The following CTNNA2 variants were observed in gnomAD, a reference collection of about 807,000 sequenced individuals.
CTNNA2 encodes the protein catenin alpha-2.
A neutral mutation model predicts 101.0 loss-of-function variants in CTNNA2; 42 were observed. That is an observed-to-expected ratio of 0.42 (90% CI 0.32 to 0.54). The LOEUF is 0.54. Ranked by LOEUF, CTNNA2 falls within the 20% of genes least tolerant of loss-of-function variation. The pLI, the probability that CTNNA2 is intolerant of heterozygous loss-of-function variation, is 0.14. For synonymous variants in CTNNA2, 450 were observed against 456.4 expected (o/e 0.99, Z 0.18); for missense variants, 871 against 1,223.1 (o/e 0.71, Z 4.29).
intron 14 of CTNNA2, among the ~76,000 whole-genome samples, chr2:80,583,498 T>G (rs575882147): frequency 4.6e-5 from 7 of 152,288 alleles, no homozygotes; most frequent in African/African-American, 1.7e-4. Context: ...AAACCAGCAT[T>G]GTTATGTCAC....
chr2:79,755,507 C>G (rs549691887), intron 3 of CTNNA2, among the ~76,000 whole-genome samples: 304 of 152,290 alleles, frequency 2.0e-3, no homozygotes, highest in Middle Eastern at 3.4e-3. Context: ...TTCTCCTCCC[C>G]TTCCTTATAG....
chr2:80,300,296 G>GTT (rs1676160261), intron 7 of CTNNA2, among the ~76,000 whole-genome samples: 1 of 124,806 alleles, frequency 8.0e-6, no homozygotes, highest in Admixed American at 8.6e-5. Flanking sequence ...GTGTGTGTGT[G>GTT]TGTGTGTGTG....
chr2:80,583,848 A>G (rs1338965250), intron 14 of CTNNA2, among the ~76,000 whole-genome samples: 2 of 152,142 alleles, frequency 1.3e-5, no homozygotes, highest in Non-Finnish European at 2.9e-5. Flanking sequence ...TCTTCACACT[A>G]GTGTCTTTTC....
chr2:80,222,446 A>C (rs1464693858), intron 7 of CTNNA2, among the ~76,000 whole-genome samples: 1 of 152,190 alleles, frequency 6.6e-6, no homozygotes, highest in Non-Finnish European at 1.5e-5. Flanking sequence ...CATGACTCAG[A>C]TCTTCTAGAG....
intron 18 of CTNNA2, among the ~76,000 whole-genome samples, chr2:80,635,844 A>C (rs1672819549): frequency 6.6e-6 from 1 of 152,184 alleles, no homozygotes; most frequent in African/African-American, 2.4e-5. Flanking sequence ...TTGATTGGGC[A>C]TATCTGTTAA....
chr2:80,629,448 A>G (rs1358592997), intron 18 of CTNNA2, among the ~76,000 whole-genome samples: 1 of 152,198 alleles, frequency 6.6e-6, no homozygotes, highest in African/African-American at 2.4e-5. Context: ...ACAGTTCTGA[A>G]ACTCAGCTCT....
rs1433992356 is a variant in CTNNA2, at chr2:80,581,835, AG to A, written c.2007+17del. 5.3e-6 allele frequency: 8 copies of A among 1,501,998 alleles called. No individual in the cohort carries two copies. Among genetic ancestry groups the A allele is most frequent in the Admixed American group, 5.0e-5 (3 of 59,682 alleles). 93.0% of individuals were successfully genotyped at this position (1,501,998 alleles called of 1,614,324 possible). ...GAGCGCACGGGTGAGTGGACACCTA[AG>A]ACTTTGGCTTGGCACACAGGGACCG... is the stretch of plus-strand genomic sequence containing the variant. On this transcript the variant is annotated intron_variant, in intron 14 of 18. Coordinates refer to ENST00000402739, the MANE Select transcript of CTNNA2 (RefSeq NM_001282597.3).
intron 7 of CTNNA2, among the ~76,000 whole-genome samples, chr2:80,254,461 A>G (rs1671990456): frequency 6.6e-6 from 1 of 152,146 alleles, no homozygotes; most frequent in Non-Finnish European, 1.5e-5. Context: ...TAGCCAAGGT[A>G]TGGGGGGAGC....
chr2:79,721,082 G>C (rs1164590756), intron 2 of CTNNA2, among the ~76,000 whole-genome samples: 3 of 150,530 alleles, frequency 2.0e-5, no homozygotes, highest in East Asian at 3.9e-4. Context: ...ATCACATCAT[G>C]CTTCTTGTTC....
At chr2:79,930,343 AGAAAGAAAGAAAGAAT>A (rs879853669) in intron 7 of CTNNA2, among the ~76,000 whole-genome samples, 11,544 of 111,486 alleles carry the variant, frequency 0.1, 745 homozygotes, top group East Asian at 0.23. Flanking sequence ...AAAGAAAGAA[AGAAAGAAAGAAAGAAT>A]GAACACGGGT....
intron 1 of CTNNA2, among the ~76,000 whole-genome samples, chr2:79,566,295 T>C (rs1675108771): frequency 6.6e-6 from 1 of 152,146 alleles, no homozygotes. Flanking sequence ...TTTTCCAACT[T>C]TGAAAGTTTG....
intron 8 of CTNNA2, 26 bp from the exon 9 acceptor site, chr2:80,419,423 A>T (rs1680316712): frequency 2.5e-6 from 4 of 1,583,052 alleles, no homozygotes; most frequent in African/African-American, 2.7e-5. Context: ...ATTGTATGTC[A>T]TTTTTTGTTT....
At chr2:79,219,116 A>C (rs1004572220) in intron 2 of CTNNA2, among the ~76,000 whole-genome samples, 1 of 152,174 alleles carries the variant, frequency 6.6e-6, no homozygotes, top group Non-Finnish European at 1.5e-5. Flanking sequence ...TTTTTTCCCT[A>C]AAATTGTACC....
intron 7 of CTNNA2, among the ~76,000 whole-genome samples, chr2:80,045,098 T>C (rs1314125502): frequency 6.6e-6 from 1 of 152,196 alleles, no homozygotes; most frequent in Non-Finnish European, 1.5e-5. Context: ...GCAGCTGGAC[T>C]TCAGAAATGG....
chr2:79,735,407 C>A (rs1232750324), intron 2 of CTNNA2, among the ~76,000 whole-genome samples: 3 of 152,106 alleles, frequency 2.0e-5, no homozygotes, highest in Non-Finnish European at 4.4e-5. Context: ...AAAGGATGAT[C>A]CAGTTCCCAA....
intron 1 of CTNNA2, among the ~76,000 whole-genome samples, chr2:79,543,280 C>T (rs1008824500): frequency 7.2e-5 from 11 of 152,052 alleles, no homozygotes; most frequent in Non-Finnish European, 1.3e-4. Flanking sequence ...CCAAAAAAGA[C>T]AAAGCAATCG....
intron 12 of CTNNA2, among the ~76,000 whole-genome samples, chr2:80,564,102 C>T (rs1693843063): frequency 6.6e-6 from 1 of 151,996 alleles, no homozygotes; most frequent in Non-Finnish European, 1.5e-5. Context: ...GGGATTAAAC[C>T]CTCCTTAAAT....
chr2:80,410,318 C>G (rs541458688), intron 8 of CTNNA2, among the ~76,000 whole-genome samples: 47 of 152,308 alleles, frequency 3.1e-4, no homozygotes, highest in African/African-American at 1.1e-3. Flanking sequence ...ATTGCTAGAG[C>G]AGGTATGATC....
intron 7 of CTNNA2, among the ~76,000 whole-genome samples, chr2:80,250,029 A>G (rs867601672): frequency 4.6e-5 from 7 of 152,150 alleles, no homozygotes; most frequent in Middle Eastern, 3.4e-3. Context: ...CTCCTCCCAT[A>G]TATACAAGAT....
Sources: gnomAD v4.1 joint callset for allele counts (sites outside exome capture counted in the v4.1 genomes callset) on GRCh38, gnomAD v4.1.1 for gene constraint, MANE v1.5 for transcripts, NCBI Gene and HGNC (gene_info 2026-07-23, HGNC 2026-07-21) for gene names.